The following SLC25A51 variants were observed in gnomAD, a reference collection of about 807,000 sequenced individuals.
SLC25A51 encodes solute carrier family 25 member 51.
SLC25A51 carries 11 observed loss-of-function variants against 19.1 expected under a neutral mutation model. That is an observed-to-expected ratio of 0.58 (90% CI 0.36 to 0.96). SLC25A51 has a LOEUF of 0.96. Ranked by LOEUF, SLC25A51 falls within the 40% of genes least tolerant of loss-of-function variation. SLC25A51 has a pLI of 0.01. For synonymous variants in SLC25A51, 105 were observed against 133.6 expected (o/e 0.79, Z 1.47); for missense variants, 201 against 365.4 (o/e 0.55, Z 3.67).
intron 2 of SLC25A51, among the ~76,000 whole-genome samples, chr9:37,897,035 G>A (rs923589152): frequency 2.0e-5 from 3 of 152,114 alleles, no homozygotes; most frequent in African/African-American, 7.2e-5. Context: ...GACATGACAA[G>A]TCTATCTTAA....
intron 2 of SLC25A51, among the ~76,000 whole-genome samples, chr9:37,894,972 A>G (rs1587166879): frequency 6.6e-6 from 1 of 152,210 alleles, no homozygotes; most frequent in African/African-American, 2.4e-5. Flanking sequence ...ATGCCTGCAT[A>G]GTATTCCATG....
chr9:37,886,272 A>T (rs1831455174), downstream of SLC25A51: 2 of 1,613,522 alleles, frequency 1.2e-6, no homozygotes, highest in Non-Finnish European at 1.7e-6. Context: ...TTTAACTTAA[A>T]TGAGCTATAC....
intron 2 of SLC25A51, among the ~76,000 whole-genome samples, chr9:37,895,350 C>T (rs1379217218): frequency 6.6e-6 from 1 of 151,316 alleles, no homozygotes; most frequent in African/African-American, 2.4e-5. Flanking sequence ...TACAGGTATC[C>T]ACCACCACAT....
intron 2 of SLC25A51, among the ~76,000 whole-genome samples, chr9:37,891,262 C>T (rs923812394): frequency 1.3e-5 from 2 of 152,156 alleles, no homozygotes; most frequent in African/African-American, 2.4e-5. Context: ...CCCGGCCAGC[C>T]GCCCCGTCCG....
At chr9:37,894,520 ATCAACTTGTTGGCCAGGCTGGTCT>A (rs1831670530) in intron 2 of SLC25A51, among the ~76,000 whole-genome samples, 1 of 151,948 alleles carries the variant, frequency 6.6e-6, no homozygotes, top group African/African-American at 2.4e-5. Context: ...GAGATGGGTT[ATCAACTTGTTGGCCAGGCTGGTCT>A]TGAACTCCTG....
At chr9:37,901,046 T>C (rs1831837280) in intron 1 of SLC25A51, among the ~76,000 whole-genome samples, 1 of 151,054 alleles carries the variant, frequency 6.6e-6, no homozygotes, top group Non-Finnish European at 1.5e-5. Flanking sequence ...TTGTATGTTT[T>C]GTAGAGACAG....
At chr9:37,902,018 A>T (rs1430961294) in intron 1 of SLC25A51, among the ~76,000 whole-genome samples, 1 of 152,236 alleles carries the variant, frequency 6.6e-6, no homozygotes, top group Non-Finnish European at 1.5e-5. Flanking sequence ...TATTTAGATT[A>T]ATGTACATGA....
At chr9:37,881,153 C>T (rs1325193598) in intron 3 of SLC25A51, among the ~76,000 whole-genome samples, 1 of 150,948 alleles carries the variant, frequency 6.6e-6, no homozygotes, top group East Asian at 1.9e-4. Flanking sequence ...ACTCTCCTAA[C>T]CAATGAGCTA....
chr9:37,892,803 G>C (rs979414140), intron 2 of SLC25A51, among the ~76,000 whole-genome samples: 2 of 151,574 alleles, frequency 1.3e-5, no homozygotes, highest in South Asian at 2.1e-4. Flanking sequence ...GTAGTAGCAC[G>C]ATCTCAGCTC....
intron 1 of SLC25A51, among the ~76,000 whole-genome samples, chr9:37,901,204 C>G (rs953369515): frequency 1.3e-5 from 2 of 151,898 alleles, no homozygotes; most frequent in Non-Finnish European, 2.9e-5. Flanking sequence ...GAGTCTCACT[C>G]TGTTGCCCAG....
intron 1 of SLC25A51, among the ~76,000 whole-genome samples, chr9:37,900,451 A>C (rs79913154): frequency 1.4e-5 from 2 of 147,950 alleles, no homozygotes; most frequent in African/African-American, 5.0e-5. Context: ...TCTATCCAGA[A>C]AAAAAAAAAA....
At chr9:37,890,890 A>G (rs1831568057) in intron 2 of SLC25A51, among the ~76,000 whole-genome samples, 1 of 152,218 alleles carries the variant, frequency 6.6e-6, no homozygotes, top group Non-Finnish European at 1.5e-5. Context: ...AAAACCGTCT[A>G]GGTCTTTCAC....
chr9:37,885,354 A>AG, downstream of SLC25A51, among the ~76,000 whole-genome samples: 1 of 151,014 alleles, frequency 6.6e-6, no homozygotes, highest in East Asian at 1.9e-4. Flanking sequence ...AAAAAAAAAA[A>AG]AAAAAAAAAA....
At chr9:37,887,591 AGGC>A, downstream of SLC25A51, 3 of 1,400,002 alleles carry the variant, frequency 2.1e-6, no homozygotes, top group African/African-American at 4.4e-5. Flanking sequence ...AAAAAAAAAG[AGGC>A]CAAACTGCAT....
At chr9:37,902,168 G>C (rs974907376) in intron 1 of SLC25A51, among the ~76,000 whole-genome samples, 4 of 152,156 alleles carry the variant, frequency 2.6e-5, no homozygotes, top group African/African-American at 9.7e-5. Flanking sequence ...CAAGTTATTT[G>C]TGTACTTGAA....
Position 37,893,135 on chromosome 9 carries a change from C to G in SLC25A51, c.-42-4543G>C, listed in dbSNP as rs114439671. ...TGAAGTGATCCAACTGCCTCAGCCT[C>G]TCAAGGTGCTGGGATTACAGGTGTA... On this transcript the variant is annotated intron_variant, in intron 2 of 2. Coordinates refer to ENST00000242275, the MANE Select transcript of SLC25A51 (RefSeq NM_033412.4). Among the ~76,000 whole-genome samples the G allele has an allele frequency of 6.3e-3, 966 of 152,334 alleles. 11 individuals are homozygous for G. The highest frequency in any genetic ancestry group is 0.022 in the African/African-American group (924 of 41,576).
chr9:37,896,488 G>A (rs908102793), intron 2 of SLC25A51, among the ~76,000 whole-genome samples: 4 of 152,134 alleles, frequency 2.6e-5, no homozygotes, highest in Non-Finnish European at 5.9e-5. Context: ...ACAGAATGAG[G>A]CATATATATT....
downstream of SLC25A51, among the ~76,000 whole-genome samples, chr9:37,885,029 C>T (rs1831417546): frequency 6.6e-6 from 1 of 152,086 alleles, no homozygotes; most frequent in Non-Finnish European, 1.5e-5. Context: ...TCATGAAAAG[C>T]CTATACCTAA....
At chr9:37,886,418 C>A, downstream of SLC25A51, 1 of 1,557,442 alleles carries the variant, frequency 6.4e-7, no homozygotes, top group East Asian at 2.2e-5. Flanking sequence ...TGCTTCCTCT[C>A]CTGTCAATTC....
Sources: allele counts gnomAD v4.1 joint callset (sites outside exome capture counted in the v4.1 genomes callset), GRCh38; gene constraint gnomAD v4.1.1; transcripts MANE v1.5; gene names NCBI Gene and HGNC (gene_info 2026-07-23, HGNC 2026-07-21).